AHI1: variants seen among roughly 807,000 people sequenced by gnomAD.
The protein encoded by AHI1 is jouberin.
Under a neutral mutation model 149.3 loss-of-function variants are expected in AHI1, and 123 were observed. That is an observed-to-expected ratio of 0.82 (90% confidence interval 0.71 to 0.96). The LOEUF (loss-of-function observed/expected upper bound fraction) is 0.96. Ranked by LOEUF, AHI1 falls within the 40% of genes least tolerant of loss-of-function variation. The pLI is 0.00. For missense variants in AHI1, 1,439 were observed against 1,422.7 expected (o/e 1.01, Z -0.18); for synonymous variants, 475 against 459.8 (o/e 1.03, Z -0.42).
rs1218034208 is a variant in AHI1, at chr6:135,463,879, A to T, written c.750-573T>A. ...CAATCCTCCCACTTCTGCCTCCCAAATAGCTGAGACTACAGGCACCATACC... is the reference window on the plus strand; with the variant it reads ...CAATCCTCCCACTTCTGCCTCCCAATTAGCTGAGACTACAGGCACCATACC... On this transcript the variant is annotated intron_variant, in intron 7 of 28. Transcript: ENST00000265602. Among the ~76,000 whole-genome samples, 5 of 151,980 alleles carry T rather than the reference A, an allele frequency of 3.3e-5. No individual in the cohort carries two copies. The South Asian group carries it at 8.3e-4, about 25-fold the overall frequency.
intron 24 of AHI1, among the ~76,000 whole-genome samples, chr6:135,340,820 G>C (rs1251875168): frequency 6.6e-6 from 1 of 150,786 alleles, no homozygotes; most frequent in East Asian, 1.9e-4. Context: ...CCAGCACAAA[G>C]GAGGCAGAAG....
At chr6:135,343,046 TG>T (rs1224612004) in intron 24 of AHI1, among the ~76,000 whole-genome samples, 3 of 150,706 alleles carry the variant, frequency 2.0e-5, no homozygotes, top group Non-Finnish European at 4.4e-5. Context: ...CAACAAAATC[TG>T]AAAAAAAACA....
At chr6:135,413,038 TA>T (rs1454324922) in intron 20 of AHI1, among the ~76,000 whole-genome samples, 1 of 152,064 alleles carries the variant, frequency 6.6e-6, no homozygotes, top group Non-Finnish European at 1.5e-5. Context: ...TTCATTAAAA[TA>T]AAAAAACTTG....
At chr6:135,429,500 A>G (rs1193687693) in intron 18 of AHI1, among the ~76,000 whole-genome samples, 35 of 151,928 alleles carry the variant, frequency 2.3e-4, no homozygotes, top group Admixed American at 2.0e-3. Context: ...ATATCATATT[A>G]TACTAATGCT....
intron 28 of AHI1, among the ~76,000 whole-genome samples, chr6:135,289,388 G>C (rs879307065): frequency 2.0e-5 from 3 of 151,864 alleles, no homozygotes; most frequent in Admixed American, 2.0e-4. Flanking sequence ...CCAGCTACTC[G>C]GGAGGCTGAG....
chr6:135,326,485 A>G (rs1016901580), intron 24 of AHI1, among the ~76,000 whole-genome samples: 12 of 152,168 alleles, frequency 7.9e-5, no homozygotes, highest in Admixed American at 3.9e-4. Flanking sequence ...TTCTGGTTAC[A>G]TGGATGAATT....
intron 23 of AHI1, among the ~76,000 whole-genome samples, chr6:135,375,793 C>CT (rs1183567254): frequency 6.6e-6 from 1 of 152,128 alleles, no homozygotes; most frequent in Admixed American, 6.5e-5. Flanking sequence ...AATGAGTGTA[C>CT]TTAGTCCCAG....
chr6:135,457,447 T>C (rs779943573), intron 9 of AHI1, 47 bp downstream of exon 9: 2 of 1,429,726 alleles, frequency 1.4e-6, no homozygotes, highest in Non-Finnish European at 1.9e-6. Context: ...AAAAGACTTC[T>C]ACTAGTTTCA....
At chr6:135,470,553 A>G (rs1192278591) in intron 5 of AHI1, among the ~76,000 whole-genome samples, 1 of 152,220 alleles carries the variant, frequency 6.6e-6, no homozygotes, top group Non-Finnish European at 1.5e-5. Context: ...TAGCAAAGAC[A>G]TGGAATCAAC....
chr6:135,393,168 G>A (rs1778755801), intron 23 of AHI1, among the ~76,000 whole-genome samples: 1 of 151,776 alleles, frequency 6.6e-6, no homozygotes, highest in African/African-American at 2.4e-5. Context: ...TGAAAGGCTT[G>A]CCTTTATCAT....
intron 6 of AHI1, 47 bp downstream of exon 6, chr6:135,467,534 G>T: frequency 6.7e-7 from 1 of 1,482,922 alleles, no homozygotes; most frequent in Non-Finnish European, 9.4e-7. Flanking sequence ...TTTGTTTTTA[G>T]TGACTCTCAT....
At chr6:135,334,845 A>G (rs1459979559) in intron 24 of AHI1, among the ~76,000 whole-genome samples, 1 of 152,184 alleles carries the variant, frequency 6.6e-6, no homozygotes, top group Non-Finnish European at 1.5e-5. Flanking sequence ...CAGCAGCAAC[A>G]TCACCTGGAA....
chr6:135,495,732 A>C (rs745647961), intron 3 of AHI1, 82 bp downstream of exon 3: 2 of 152,290 alleles, frequency 1.3e-5, no homozygotes, highest in Non-Finnish European at 2.9e-5. Flanking sequence ...AGAGAGGAGA[A>C]GAAGAGAGAA....
intron 25 of AHI1, among the ~76,000 whole-genome samples, chr6:135,321,691 G>A (rs1002428750): frequency 6.6e-6 from 1 of 152,098 alleles, no homozygotes. Flanking sequence ...CAGTTTCATG[G>A]ACTAGCCTGA....
intron 25 of AHI1, among the ~76,000 whole-genome samples, chr6:135,319,844 ATGT>A (rs1786539069): frequency 6.6e-6 from 1 of 152,202 alleles, no homozygotes; most frequent in Non-Finnish European, 1.5e-5. Context: ...GAAGCTGATC[ATGT>A]TGTTCTTTAC....
At chr6:135,407,579 A>G (rs1449940501) in intron 21 of AHI1, among the ~76,000 whole-genome samples, 1 of 152,238 alleles carries the variant, frequency 6.6e-6, no homozygotes, top group East Asian at 1.9e-4. Flanking sequence ...ATCTACCTCA[A>G]TACCAAAGCA....
chr6:135,370,607 T>G (rs562936607), intron 23 of AHI1, among the ~76,000 whole-genome samples: 1 of 152,374 alleles, frequency 6.6e-6, no homozygotes, highest in South Asian at 2.1e-4. Context: ...ACTGTTTGTC[T>G]TTACTTCTTT....
intron 23 of AHI1, among the ~76,000 whole-genome samples, chr6:135,380,646 C>T (rs1397155954): frequency 6.6e-6 from 1 of 151,490 alleles, no homozygotes; most frequent in African/African-American, 2.4e-5. Flanking sequence ...TGTAAGTATG[C>T]ACTGGGTACT....
chr6:135,396,459 T>G (rs1163642298), intron 22 of AHI1, among the ~76,000 whole-genome samples: 1 of 151,816 alleles, frequency 6.6e-6, no homozygotes, highest in Non-Finnish European at 1.5e-5. Context: ...AAAGCACTAA[T>G]GAACATTAAA....
Sources: allele counts gnomAD v4.1 joint callset (sites outside exome capture counted in the v4.1 genomes callset), GRCh38; gene constraint gnomAD v4.1.1; transcripts MANE v1.5; gene names NCBI Gene and HGNC (gene_info 2026-07-23, HGNC 2026-07-21).